Variants in SATL1 observed in about 807,000 individuals in gnomAD.
SATL1 encodes spermidine/spermine N(1)-acetyltransferase-like protein 1.
A neutral mutation model predicts 51.8 loss-of-function variants in SATL1; 47 were observed. The ratio of observed to expected loss-of-function variants is 0.91; its 90% CI spans 0.72 to 1.16. SATL1 has a LOEUF of 1.16. Among genes scored for constraint, SATL1 ranks in the 50% most tolerant of loss-of-function variants. SATL1 has a pLI of 0.00. For missense variants in SATL1, 520 were observed against 526.4 expected, an observed-to-expected ratio of 0.99 and a Z score of 0.12; for synonymous variants, 176 against 182.4, an observed-to-expected ratio of 0.97 and a Z score of 0.28.
intron 2 of SATL1, among the ~76,000 whole-genome samples, chrX:85,148,012 G>A (rs986649180): frequency 1.2e-4 from 13 of 111,694 alleles, no homozygotes; most frequent in Admixed American, 1.9e-4. Flanking sequence ...GGCTTCAGAC[G>A]ATCAAACTAC....
At position 85,147,106 on chromosome X, in the gene SATL1, C is replaced by T. The variant is rs533783913; in HGVS notation, c.-312-37826G>A. Among the ~76,000 whole-genome samples, 7 of 114,344 alleles carry T rather than the reference C, an allele frequency of 6.1e-5. No individual in the cohort carries two copies. In the South Asian group the frequency reaches 2.4e-3, roughly 39 times the overall value. On this transcript the variant is annotated intron_variant, in intron 2 of 7. Transcript: ENST00000644105. ...ATGGACGGCACCTGGAAAATCGGGT[C>T]ACTCCCACCCTAATACTGTGCTTTT... is the stretch of plus-strand genomic sequence containing the variant.
chrX:85,110,243 C>T (rs1464039499), intron 2 of SATL1, among the ~76,000 whole-genome samples: 2 of 110,986 alleles, frequency 1.8e-5, no homozygotes, highest in African/African-American at 6.6e-5. Context: ...TATTATTATT[C>T]GGTCCAGCCT....
At chrX:85,113,838 A>T (rs1424226160) in intron 2 of SATL1, among the ~76,000 whole-genome samples, 1 of 111,815 alleles carries the variant, frequency 8.9e-6, no homozygotes, top group African/African-American at 3.3e-5. Context: ...GGTGCCATCA[A>T]ATACCATATG....
At chrX:85,146,980 G>T (rs1030012266) in intron 2 of SATL1, among the ~76,000 whole-genome samples, 1 of 112,672 alleles carries the variant, frequency 8.9e-6, no homozygotes, top group African/African-American at 3.2e-5. Context: ...AGGACAGTGG[G>T]TGCAGCGCAC....
intron 2 of SATL1, among the ~76,000 whole-genome samples, chrX:85,114,998 C>G (rs757669946): frequency 9.0e-6 from 1 of 111,577 alleles, no homozygotes; most frequent in African/African-American, 3.3e-5. Flanking sequence ...ACTTCCTTCC[C>G]TTTGAATATG....
chrX:85,092,594 C>T, intron 7 of SATL1, 33 bp from the exon 8 acceptor site: 1 of 1,155,553 alleles, frequency 8.7e-7, no homozygotes, highest in Non-Finnish European at 1.2e-6. Flanking sequence ...ATATTACTTT[C>T]ATTTGAAAGT....
intron 4 of SATL1, among the ~76,000 whole-genome samples, chrX:85,101,989 T>C (rs1157306427): frequency 2.7e-5 from 3 of 109,755 alleles, no homozygotes; most frequent in Non-Finnish European, 3.8e-5. Flanking sequence ...AGATAGAAAG[T>C]AGAATAGTAG....
At chrX:85,234,195 A>T (rs1928437118) in intron 1 of SATL1, among the ~76,000 whole-genome samples, 1 of 111,459 alleles carries the variant, frequency 9.0e-6, no homozygotes, top group South Asian at 3.8e-4. Context: ...TAGCATACCC[A>T]GTAATATTAT....
chrX:85,201,680 T>A (rs979086989), intron 2 of SATL1, among the ~76,000 whole-genome samples: 24 of 111,536 alleles, frequency 2.2e-4, no homozygotes, highest in African/African-American at 7.8e-4. Context: ...TAAATTTTTA[T>A]CATTGAACTC....
intron 1 of SATL1, among the ~76,000 whole-genome samples, chrX:85,226,797 C>T (rs1216135696): frequency 9.0e-6 from 1 of 110,840 alleles, no homozygotes; most frequent in Non-Finnish European, 1.9e-5. Flanking sequence ...TTAAACATTC[C>T]ACTATCTAAT....
At chrX:85,177,712 C>A (rs1927111756) in intron 2 of SATL1, among the ~76,000 whole-genome samples, 1 of 111,743 alleles carries the variant, frequency 8.9e-6, no homozygotes, top group Non-Finnish European at 1.9e-5. Flanking sequence ...TGATTTATGT[C>A]ATAAAGTATA....
rs780045570 is a variant in SATL1, at chrX:85,218,067, G to A, written c.-313+6138C>T. Among the ~76,000 whole-genome samples the A allele has an allele frequency of 4.5e-5, 5 of 110,151 alleles. No individual in the cohort carries two copies. In the East Asian group the frequency reaches 1.1e-3, roughly 25 times the overall value. ...CTTATAAGTGGGAAGTAAACAATGAGACCTCATGGACACAAGGAGGGGAAC... is the reference window on the plus strand; with the variant it reads ...CTTATAAGTGGGAAGTAAACAATGAAACCTCATGGACACAAGGAGGGGAAC... On this transcript the variant is annotated intron_variant, in intron 2 of 7. Transcript: ENST00000644105.
At chrX:85,153,157 GA>G (rs1216845242) in intron 2 of SATL1, among the ~76,000 whole-genome samples, 1 of 110,355 alleles carries the variant, frequency 9.1e-6, no homozygotes, top group Non-Finnish European at 1.9e-5. Flanking sequence ...AATATAGGAG[GA>G]AAATCTGGAA....
chrX:85,143,849 A>G (rs1926167120), intron 2 of SATL1, among the ~76,000 whole-genome samples: 1 of 111,859 alleles, frequency 8.9e-6, no homozygotes, highest in East Asian at 2.8e-4. Context: ...ACTGTTTCTT[A>G]GAATATATAA....
chrX:85,107,007 T>A (rs1192372785), intron 3 of SATL1, among the ~76,000 whole-genome samples: 3 of 111,544 alleles, frequency 2.7e-5, no homozygotes, highest in African/African-American at 9.8e-5. Flanking sequence ...AGTTAAAATT[T>A]CCCCAGGAAA....
At position 85,092,568 on chromosome X, in the gene SATL1, A is replaced by C; in HGVS notation, c.1918-7T>G. On this transcript the variant is annotated splice_region_variant and splice_polypyrimidine_tract_variant and intron_variant, in intron 7 of 7. Coordinates refer to ENST00000644105, the MANE Select transcript of SATL1 (RefSeq NM_001367857.2). ...ATTGAGTTGTGATGGCTATCTGTTT[A>C]AAAACAAACAAGCAAATATTACTTT... 8.4e-7 allele frequency: 1 copy of C among 1,192,087 alleles called. No individual in the cohort carries two copies. Among genetic ancestry groups the C allele is most frequent in the South Asian group, 1.8e-5 (1 of 54,453 alleles).
At chrX:85,238,801 T>A (rs1474239610) in intron 1 of SATL1, among the ~76,000 whole-genome samples, 1 of 111,351 alleles carries the variant, frequency 9.0e-6, no homozygotes, top group African/African-American at 3.3e-5. Flanking sequence ...ACACATTGTA[T>A]GCCTGTATTA....
At chrX:85,232,882 G>A (rs1185989525) in intron 1 of SATL1, among the ~76,000 whole-genome samples, 2 of 111,841 alleles carry the variant, frequency 1.8e-5, no homozygotes, top group African/African-American at 6.5e-5. Context: ...ATCCTGAAGG[G>A]AAAAACACAA....
intron 2 of SATL1, among the ~76,000 whole-genome samples, chrX:85,140,973 G>C (rs765715420): frequency 1.8e-5 from 2 of 111,625 alleles, no homozygotes; most frequent in Admixed American, 9.6e-5. Context: ...TGATTCATTA[G>C]TTCACTGAGG....
Sources: gnomAD v4.1 joint callset for allele counts (sites outside exome capture counted in the v4.1 genomes callset) on GRCh38, gnomAD v4.1.1 for gene constraint, MANE v1.5 for transcripts, NCBI Gene and HGNC (gene_info 2026-07-23, HGNC 2026-07-21) for gene names.